Variants in SMAGP observed in about 807,000 individuals in gnomAD.
SMAGP encodes the protein small cell transmembrane and glycosylated protein.
In SMAGP, 7 loss-of-function variants were observed where a neutral mutation model predicts 10.1. The ratio of observed to expected loss-of-function variants is 0.70; its 90% CI spans 0.40 to 1.31. The LOEUF is 1.31. Among genes scored for constraint, SMAGP ranks in the 50% most tolerant of loss-of-function variants. The pLI, the probability that SMAGP is intolerant of heterozygous loss-of-function variation, is 0.01. For synonymous variants in SMAGP, 49 were observed against 47.2 expected, an observed-to-expected ratio of 1.04 and a Z score of -0.16; for missense variants, 113 against 116.5, an observed-to-expected ratio of 0.97 and a Z score of 0.14.
chr12:51,250,492 GT>G (rs1944826460), intron 2 of SMAGP, among the ~76,000 whole-genome samples: 2 of 135,134 alleles, frequency 1.5e-5, no homozygotes, highest in South Asian at 2.5e-4. Flanking sequence ...GGTTGTTGTT[GT>G]TGTTGTGTTT....
intron 2 of SMAGP, among the ~76,000 whole-genome samples, chr12:51,260,670 G>A (rs1218683914): frequency 1.4e-5 from 2 of 141,784 alleles, no homozygotes; most frequent in Non-Finnish European, 3.0e-5. Flanking sequence ...GAGCCACCGC[G>A]CCCGGCCAAT....
At chr12:51,264,142 AG>A (rs1014498556) in intron 2 of SMAGP, among the ~76,000 whole-genome samples, 7 of 152,118 alleles carry the variant, frequency 4.6e-5, no homozygotes, top group African/African-American at 1.4e-4. Flanking sequence ...ATAGGTGGGA[AG>A]GTGGGGGAAG....
intron 2 of SMAGP, among the ~76,000 whole-genome samples, chr12:51,252,072 C>G (rs955107331): frequency 2.0e-5 from 3 of 150,820 alleles, no homozygotes; most frequent in African/African-American, 7.3e-5. Context: ...TAAACGATGA[C>G]AAGAAGGCAG....
intron 2 of SMAGP, among the ~76,000 whole-genome samples, chr12:51,263,715 C>T (rs752573595): frequency 6.6e-6 from 1 of 152,204 alleles, no homozygotes; most frequent in African/African-American, 2.4e-5. Flanking sequence ...GCACGGTGGG[C>T]AAAGCCCACA....
At chr12:51,247,667 T>G (rs1944790129) in intron 2 of SMAGP, among the ~76,000 whole-genome samples, 1 of 152,058 alleles carries the variant, frequency 6.6e-6, no homozygotes. Context: ...AGGATAGAGG[T>G]CTCCTGGGGA....
At chr12:51,268,174 AGAG>A (rs1268035245) in intron 2 of SMAGP, among the ~76,000 whole-genome samples, 1 of 152,108 alleles carries the variant, frequency 6.6e-6, no homozygotes, top group Non-Finnish European at 1.5e-5. Flanking sequence ...CTGTATCACC[AGAG>A]GAGTGGAATG....
intron 3 of SMAGP, 91 bp from the exon 4 acceptor site, chr12:51,246,210 TA>T: frequency 6.5e-7 from 1 of 1,530,110 alleles, no homozygotes; most frequent in South Asian, 1.3e-5. Flanking sequence ...ACTGTTTTCG[TA>T]AAGATCCTCT....
intron 2 of SMAGP, among the ~76,000 whole-genome samples, chr12:51,255,561 C>G (rs1944877339): frequency 6.6e-6 from 1 of 152,172 alleles, no homozygotes; most frequent in Admixed American, 6.6e-5. Context: ...CCAGGCTCAG[C>G]TGACTGCCAG....
intron 2 of SMAGP, among the ~76,000 whole-genome samples, chr12:51,248,434 ACTCT>A (rs56012746): frequency 0.023 from 1,790 of 77,212 alleles, 30 homozygotes; most frequent in African/African-American, 0.056. Flanking sequence ...ACACACACAC[ACTCT>A]CTCTCTCTCT....
intron 1 of SMAGP, 142 bp from the exon 2 acceptor site, chr12:51,269,458 AT>A: frequency 1.6e-6 from 1 of 632,458 alleles, no homozygotes; most frequent in Non-Finnish European, 2.8e-6. Flanking sequence ...GTTTCCCTGA[AT>A]ATCTCCTCAG....
intron 1 of SMAGP, chr12:51,269,685 T>G: frequency 5.8e-6 from 1 of 172,042 alleles, no homozygotes; most frequent in East Asian, 1.6e-4. Flanking sequence ...GTTCCACAGC[T>G]AGGAGTTCTG....
At chr12:51,265,592 T>C (rs964790729) in intron 2 of SMAGP, among the ~76,000 whole-genome samples, 2 of 152,212 alleles carry the variant, frequency 1.3e-5, no homozygotes, top group Admixed American at 6.5e-5. Context: ...AATATTATGC[T>C]AAGTGAAGTT....
intron 2 of SMAGP, among the ~76,000 whole-genome samples, chr12:51,260,206 C>CTTTTT (rs1274632737): frequency 7.6e-5 from 8 of 104,908 alleles, no homozygotes; most frequent in Admixed American, 2.1e-4. Flanking sequence ...GTCATGGTTT[C>CTTTTT]TTTTTTTTTT....
chr12:51,248,426 A>T (rs903773110), intron 2 of SMAGP, among the ~76,000 whole-genome samples: 4 of 112,318 alleles, frequency 3.6e-5, no homozygotes, highest in African/African-American at 1.5e-4. Context: ...ACACACACAC[A>T]CACACACACT....
Position 51,244,852 on chromosome 12 carries a change from TCTCA to T in SMAGP, c.*1085_*1088del, listed in dbSNP as rs1944744919. The T allele has an allele frequency of 8.4e-6, 1 of 118,586 alleles. No homozygotes were observed. Among genetic ancestry groups the T allele is most frequent in the Non-Finnish European group, 1.6e-5 (1 of 60,812 alleles). 7.3% of individuals were successfully genotyped at this position (118,586 alleles called of 1,614,324 possible). On this transcript the variant is annotated 3_prime_UTR_variant, in exon 4 of 4. Transcript: ENST00000603798. ...TTTTTTTTTTTTTTTTGAGACGGAGTCTCACTCTGTTGCCCAGGCTGGAGTATAG... is the reference window on the plus strand; with the variant it reads ...TTTTTTTTTTTTTTTTGAGACGGAGTCTCTGTTGCCCAGGCTGGAGTATAG...
At chr12:51,255,294 C>T (rs1483372678) in intron 2 of SMAGP, among the ~76,000 whole-genome samples, 1 of 152,190 alleles carries the variant, frequency 6.6e-6, no homozygotes, top group Non-Finnish European at 1.5e-5. Context: ...TCCTTGGCCT[C>T]CCAAAGTGTT....
At chr12:51,269,187 G>T in intron 2 of SMAGP, 58 bp downstream of exon 2, 2 of 1,597,054 alleles carry the variant, frequency 1.3e-6, no homozygotes, top group Non-Finnish European at 8.6e-7. Context: ...GGACTGGTCT[G>T]GGGAAGGGGA....
At chr12:51,259,412 C>T (rs1944914196) in intron 2 of SMAGP, among the ~76,000 whole-genome samples, 1 of 152,028 alleles carries the variant, frequency 6.6e-6, no homozygotes, top group Admixed American at 6.6e-5. Context: ...CTGCGCCCAG[C>T]CCTGACAAAT....
intron 1 of SMAGP, chr12:51,269,938 C>G (rs1945012986): frequency 6.6e-6 from 1 of 152,064 alleles, no homozygotes; most frequent in Non-Finnish European, 1.5e-5. Flanking sequence ...CCAGCCCGCG[C>G]CCCGCGCCCC....
Sources: gnomAD v4.1 joint callset for allele counts (sites outside exome capture counted in the v4.1 genomes callset) on GRCh38, gnomAD v4.1.1 for gene constraint, MANE v1.5 for transcripts, NCBI Gene and HGNC (gene_info 2026-07-23, HGNC 2026-07-21) for gene names.